PLXDC2: variants seen among roughly 807,000 people sequenced by gnomAD.
PLXDC2 encodes the protein plexin domain containing 2, also known as plexin domain-containing protein 2.
Under a neutral mutation model 68.9 loss-of-function variants are expected in PLXDC2, and 40 were observed. That is an observed-to-expected ratio of 0.58 (90% confidence interval 0.45 to 0.76). The LOEUF is 0.76. Among genes scored for constraint, PLXDC2 ranks in the 30% least tolerant of loss-of-function variants. The pLI is 0.00. For missense variants in PLXDC2, 644 were observed against 661.9 expected (o/e 0.97, Z 0.30); for synonymous variants, 243 against 234.2 (o/e 1.04, Z -0.34).
At chr10:20,145,786 C>T (rs1195847852) in intron 5 of PLXDC2, among the ~76,000 whole-genome samples, 1 of 152,010 alleles carries the variant, frequency 6.6e-6, no homozygotes, top group Non-Finnish European at 1.5e-5. Flanking sequence ...ATCTCCTGAC[C>T]TCGTGATCCG....
rs1836178245 is a variant in PLXDC2, at chr10:20,287,900, T to G, written c.*8081T>G. On this transcript the variant is annotated 3_prime_UTR_variant, in exon 14 of 14. Coordinates refer to ENST00000377252, the MANE Select transcript of PLXDC2 (RefSeq NM_032812.9). ...GGAACTTCGAATGCCAGGAATTTAC[T>G]ACTGTTTCTGGTAATTCTGTGTGTA... 2.0e-5 allele frequency: 3 copies of G among 149,452 alleles called. No homozygotes were observed. The allele number at this position is 149,452 out of a possible 1,614,324, so 9.3% of individuals were successfully genotyped here. A position where few individuals can be genotyped will look rare whatever the true frequency, so the allele number is the denominator to read the frequency against.
intron 1 of PLXDC2, among the ~76,000 whole-genome samples, chr10:19,949,710 C>A (rs899316618): frequency 1.3e-5 from 2 of 152,272 alleles, no homozygotes; most frequent in African/African-American, 4.8e-5. Flanking sequence ...TCTACATGTA[C>A]ACTGGGACTA....
intron 4 of PLXDC2, among the ~76,000 whole-genome samples, chr10:20,114,054 G>A (rs949758257): frequency 6.6e-6 from 1 of 152,200 alleles, no homozygotes; most frequent in African/African-American, 2.4e-5. Context: ...AACCTGGGAG[G>A]TGGAGGTTGC....
At chr10:19,861,018 T>C (rs1837310643) in intron 1 of PLXDC2, among the ~76,000 whole-genome samples, 1 of 151,890 alleles carries the variant, frequency 6.6e-6, no homozygotes, top group East Asian at 1.9e-4. Context: ...GATTTTTTTT[T>C]TTTTTCTTTT....
At chr10:19,939,209 A>T (rs939522669) in intron 1 of PLXDC2, among the ~76,000 whole-genome samples, 2 of 152,210 alleles carry the variant, frequency 1.3e-5, no homozygotes, top group Non-Finnish European at 2.9e-5. Flanking sequence ...CCCCTCTGGG[A>T]TATCTGTGTT....
intron 1 of PLXDC2, among the ~76,000 whole-genome samples, chr10:19,992,784 A>G (rs1834772384): frequency 6.6e-6 from 1 of 152,188 alleles, no homozygotes; most frequent in South Asian, 2.1e-4. Flanking sequence ...CAGAGTCACC[A>G]TGATGGGATA....
At chr10:20,206,893 A>C (rs1835001494) in intron 9 of PLXDC2, among the ~76,000 whole-genome samples, 1 of 151,208 alleles carries the variant, frequency 6.6e-6, no homozygotes. Flanking sequence ...CACACACAGC[A>C]CCTCAGTGGG....
At chr10:20,278,640 G>T (rs1836040283) in intron 13 of PLXDC2, among the ~76,000 whole-genome samples, 2 of 151,416 alleles carry the variant, frequency 1.3e-5, no homozygotes. Flanking sequence ...ACACAATATA[G>T]AGCTAATAGT....
rs986324826 is a variant in PLXDC2, at chr10:19,992,736, C to T, written c.113-9039C>T. ...ATTACTGTAGTATTACTTTCTGCTCCGTTTTTACCTTAACAGCATTTCATT... is the reference window on the plus strand; with the variant it reads ...ATTACTGTAGTATTACTTTCTGCTCTGTTTTTACCTTAACAGCATTTCATT... On this transcript the variant is annotated intron_variant, in intron 1 of 13. Transcript: ENST00000377252. Among the ~76,000 whole-genome samples, 8 of 152,118 alleles carry T rather than the reference C, an allele frequency of 5.3e-5. No homozygotes were observed. The South Asian group carries it at 8.3e-4, about 16-fold the overall frequency.
intron 4 of PLXDC2, among the ~76,000 whole-genome samples, chr10:20,091,343 T>C (rs868821980): frequency 1.8e-4 from 28 of 152,338 alleles, no homozygotes; most frequent in South Asian, 8.3e-4. Context: ...CTGGCTCTCA[T>C]CGTATCCAAC....
At chr10:19,903,762 G>A (rs1215984803) in intron 1 of PLXDC2, among the ~76,000 whole-genome samples, 2 of 150,462 alleles carry the variant, frequency 1.3e-5, no homozygotes, top group African/African-American at 2.4e-5. Flanking sequence ...AGCTCCATGA[G>A]GTTTGAGCTT....
intron 4 of PLXDC2, among the ~76,000 whole-genome samples, chr10:20,079,946 A>T (rs889255692): frequency 1.3e-5 from 2 of 152,164 alleles, no homozygotes; most frequent in East Asian, 3.8e-4. Flanking sequence ...AACTTAAATT[A>T]AAAAAAGAAA....
At chr10:19,959,606 A>G (rs1002834433) in intron 1 of PLXDC2, among the ~76,000 whole-genome samples, 2 of 152,206 alleles carry the variant, frequency 1.3e-5, no homozygotes, top group African/African-American at 2.4e-5. Flanking sequence ...AAATTTAGAA[A>G]TATTCGTATC....
intron 1 of PLXDC2, among the ~76,000 whole-genome samples, chr10:19,984,362 G>A (rs537965718): frequency 2.0e-5 from 3 of 152,296 alleles, no homozygotes; most frequent in African/African-American, 7.2e-5. Context: ...CCAGGCTCAG[G>A]TGTCAGCCTG....
At chr10:19,990,813 A>T (rs1323336170) in intron 1 of PLXDC2, among the ~76,000 whole-genome samples, 1 of 152,244 alleles carries the variant, frequency 6.6e-6, no homozygotes, top group Non-Finnish European at 1.5e-5. Flanking sequence ...TCAGACATTC[A>T]TAGCATTTTA....
intron 9 of PLXDC2, among the ~76,000 whole-genome samples, chr10:20,184,069 G>A (rs1385527312): frequency 6.6e-6 from 1 of 151,792 alleles, no homozygotes; most frequent in Non-Finnish European, 1.5e-5. Flanking sequence ...GTAAAGATAT[G>A]TATTTACAGA....
intron 1 of PLXDC2, among the ~76,000 whole-genome samples, chr10:19,952,852 G>A (rs147600560): frequency 6.6e-6 from 1 of 152,236 alleles, no homozygotes; most frequent in Non-Finnish European, 1.5e-5. Context: ...ACCTGTTTTT[G>A]TCTGGCCAGA....
At chr10:20,221,977 A>C (rs929751893) in intron 12 of PLXDC2, among the ~76,000 whole-genome samples, 1 of 152,174 alleles carries the variant, frequency 6.6e-6, no homozygotes, top group Non-Finnish European at 1.5e-5. Flanking sequence ...TTACAACATG[A>C]ATTTATGGGA....
At chr10:20,217,769 A>C (rs2131864063) in intron 11 of PLXDC2, among the ~76,000 whole-genome samples, 193 bp downstream of exon 11, 1 of 152,130 alleles carries the variant, frequency 6.6e-6, no homozygotes, top group East Asian at 1.9e-4. Flanking sequence ...AACTAAAAGT[A>C]AATGCTGGGA....
Sources: allele counts gnomAD v4.1 joint callset (sites outside exome capture counted in the v4.1 genomes callset), GRCh38; gene constraint gnomAD v4.1.1; transcripts MANE v1.5; gene names NCBI Gene and HGNC (gene_info 2026-07-23, HGNC 2026-07-21).